Variants in SPATA16 observed in about 807,000 individuals in gnomAD.
SPATA16 encodes the protein spermatogenesis-associated protein 16.
SPATA16 carries 36 observed loss-of-function variants against 63.3 expected under a neutral mutation model. The observed-to-expected ratio is 0.57, with a 90% CI of 0.44 to 0.75. SPATA16 has a LOEUF of 0.75. SPATA16 is among the 30% of genes least tolerant of loss of function. The probability of loss-of-function intolerance (pLI) is 0.00; values close to 1 mark genes in which losing one functional copy is unlikely to be tolerated. For missense variants in SPATA16, 646 were observed against 679.3 expected (o/e 0.95, Z 0.54); for synonymous variants, 203 against 216.7 (o/e 0.94, Z 0.56).
rs748302293 is a variant in SPATA16 at position 172,977,071 on chromosome 3, T to TA, written c.849-20dup. On this transcript the variant is annotated intron_variant, in intron 4 of 10. Coordinates refer to ENST00000351008, the MANE Select transcript of SPATA16 (RefSeq NM_031955.6). ...GGCACTCCTAAGAACAAGGACAGAT[T>TA]AAAAAAAAAACAAAAACAAATGTAT... The TA allele has an allele frequency of 0.011, 14,818 of 1,393,210 alleles. 5 individuals carry two copies. The highest frequency in any genetic ancestry group is 0.019 in the African/African-American group (1,266 of 68,094). 86.3% of individuals were successfully genotyped at this position (1,393,210 alleles called of 1,614,324 possible).
chr3:172,933,623 A>G (rs937661553), intron 6 of SPATA16, among the ~76,000 whole-genome samples: 2 of 152,200 alleles, frequency 1.3e-5, no homozygotes, highest in African/African-American at 4.8e-5. Flanking sequence ...GACTGTGGAA[A>G]CAGAGTGGTG....
chr3:173,044,951 C>T (rs752988223), intron 3 of SPATA16, among the ~76,000 whole-genome samples: 14 of 152,098 alleles, frequency 9.2e-5, no homozygotes, highest in African/African-American at 1.4e-4. Flanking sequence ...TGGGGCTCAA[C>T]TGAGTACCTG....
chr3:173,099,176 C>A (rs1216687714), intron 2 of SPATA16, among the ~76,000 whole-genome samples: 1 of 151,968 alleles, frequency 6.6e-6, no homozygotes, highest in Non-Finnish European at 1.5e-5. Context: ...ATCACACAAG[C>A]ATTCTTACAT....
chr3:173,061,787 A>C (rs926618717), intron 2 of SPATA16, among the ~76,000 whole-genome samples: 3 of 152,216 alleles, frequency 2.0e-5, no homozygotes, highest in East Asian at 1.9e-4. Flanking sequence ...GGTACCTCAT[A>C]GATCTACTAA....
At chr3:172,976,270 T>G (rs1409555122) in intron 5 of SPATA16, among the ~76,000 whole-genome samples, 1 of 152,084 alleles carries the variant, frequency 6.6e-6, no homozygotes, top group Non-Finnish European at 1.5e-5. Flanking sequence ...GTTAGCAAAC[T>G]GGATGTTATT....
intron 9 of SPATA16, among the ~76,000 whole-genome samples, chr3:172,914,172 G>C (rs1010208297): frequency 6.6e-6 from 1 of 152,082 alleles, no homozygotes; most frequent in African/African-American, 2.4e-5. Context: ...CAATTATGCT[G>C]TTTTATTGCC....
chr3:173,074,577 C>T (rs1736744113), intron 2 of SPATA16, among the ~76,000 whole-genome samples: 1 of 152,200 alleles, frequency 6.6e-6, no homozygotes, highest in Non-Finnish European at 1.5e-5. Flanking sequence ...TGTGAGACCC[C>T]TGTCCCCAAG....
chr3:172,913,129 G>A (rs1170729781), intron 10 of SPATA16, among the ~76,000 whole-genome samples: 1 of 152,166 alleles, frequency 6.6e-6, no homozygotes, highest in African/African-American at 2.4e-5. Context: ...TGTCACACAA[G>A]TCTCCTGAGT....
intron 6 of SPATA16, among the ~76,000 whole-genome samples, chr3:172,933,216 GTCT>G (rs1732909090): frequency 6.6e-6 from 1 of 152,100 alleles, no homozygotes; most frequent in South Asian, 2.1e-4. Context: ...TGAAACTGAT[GTCT>G]TCTTGCACTG....
At chr3:172,973,466 A>G (rs897521801) in intron 5 of SPATA16, among the ~76,000 whole-genome samples, 6 of 152,144 alleles carry the variant, frequency 3.9e-5, no homozygotes, top group South Asian at 4.1e-4. Flanking sequence ...ATTAGCTGTT[A>G]CCTTTTCTCA....
chr3:173,137,614 A>G (rs917916284), intron 1 of SPATA16, among the ~76,000 whole-genome samples: 2 of 152,146 alleles, frequency 1.3e-5, no homozygotes, highest in African/African-American at 4.8e-5. Context: ...TTTTCTTTCA[A>G]TCTGGTAATG....
chr3:173,063,111 T>C (rs1736424701), intron 2 of SPATA16, among the ~76,000 whole-genome samples: 1 of 152,358 alleles, frequency 6.6e-6, no homozygotes, highest in South Asian at 2.1e-4. Flanking sequence ...AATTTATCCA[T>C]GTCTATATTT....
At chr3:173,129,891 C>T (rs2901856) in intron 1 of SPATA16, among the ~76,000 whole-genome samples, 50,665 of 151,886 alleles carry the variant, frequency 0.33, 8,941 homozygotes, top group African/African-American at 0.44. Flanking sequence ...GGGTACACTA[C>T]GGGTAATGAA....
chr3:173,080,130 T>A (rs1270671486), intron 2 of SPATA16, among the ~76,000 whole-genome samples: 3 of 152,218 alleles, frequency 2.0e-5, no homozygotes, highest in Non-Finnish European at 2.9e-5. Flanking sequence ...TAGTGAGAAT[T>A]GATTTTCTAG....
chr3:173,023,268 T>G (rs1232073029), intron 3 of SPATA16, among the ~76,000 whole-genome samples: 1 of 151,764 alleles, frequency 6.6e-6, no homozygotes, highest in African/African-American at 2.4e-5. Flanking sequence ...GCTTGATAAA[T>G]AATCCATCCT....
intron 6 of SPATA16, among the ~76,000 whole-genome samples, chr3:172,944,588 G>A (rs9833704): frequency 0.087 from 13,318 of 152,238 alleles, 1,950 homozygotes; most frequent in African/African-American, 0.3. Flanking sequence ...TGGAAGCACC[G>A]AGTTTTTCTC....
chr3:173,091,218 A>G (rs554263752), intron 2 of SPATA16, among the ~76,000 whole-genome samples: 1 of 152,326 alleles, frequency 6.6e-6, no homozygotes, highest in East Asian at 1.9e-4. Flanking sequence ...CTAAAAACAT[A>G]TGTAAGCAGT....
chr3:173,000,423 A>G (rs2108265555), intron 4 of SPATA16, among the ~76,000 whole-genome samples: 1 of 152,228 alleles, frequency 6.6e-6, no homozygotes, highest in East Asian at 1.9e-4. Context: ...ATGGTTTCTG[A>G]GGAGAAGTTG....
intron 10 of SPATA16, among the ~76,000 whole-genome samples, chr3:172,898,142 A>T (rs1049208945): frequency 2.6e-5 from 4 of 151,976 alleles, no homozygotes; most frequent in African/African-American, 9.7e-5. Flanking sequence ...ATATTGCTAA[A>T]TTCTATTTGT....
Sources: gnomAD v4.1 joint callset for allele counts (sites outside exome capture counted in the v4.1 genomes callset) on GRCh38, gnomAD v4.1.1 for gene constraint, MANE v1.5 for transcripts, NCBI Gene and HGNC (gene_info 2026-07-23, HGNC 2026-07-21) for gene names.